CDH18: variants seen among roughly 807,000 people sequenced by gnomAD.
The protein encoded by CDH18 is cadherin-18.
CDH18 carries 31 observed loss-of-function variants against 67.9 expected under a neutral mutation model. That is an observed-to-expected ratio of 0.46 (90% CI 0.34 to 0.62). The LOEUF (loss-of-function observed/expected upper bound fraction) is 0.62, where lower values mean the gene tolerates loss of function less well. Among genes scored for constraint, CDH18 ranks in the 20% least tolerant of loss-of-function variants. The pLI is 0.01. For synonymous variants in CDH18, 362 were observed against 347.2 expected (o/e 1.04, Z -0.48); for missense variants, 890 against 975.5 (o/e 0.91, Z 1.17).
At chr5:19,559,770 A>G (rs1019939736) in intron 8 of CDH18, among the ~76,000 whole-genome samples, 1 of 152,036 alleles carries the variant, frequency 6.6e-6, no homozygotes, top group Non-Finnish European at 1.5e-5. Context: ...CTAAAGACTC[A>G]TGCAAAAAGC....
At position 19,924,017 on chromosome 5, in the gene CDH18, G is replaced by A. The variant is rs573133764; in HGVS notation, c.-257+57043C>T. Among the ~76,000 whole-genome samples, 652 of 152,232 alleles carry A rather than the reference G, an allele frequency of 4.3e-3. 3 individuals are homozygous for A. The highest frequency in any genetic ancestry group is 6.5e-3 in the Non-Finnish European group (440 of 68,014). The stretch of plus-strand genomic sequence containing the variant: ...TGTGTTTCAGTGAAACTATGAGACC[G>A]GTACTTTCTTGGAAGCATTGTCATA... On this transcript the variant is annotated intron_variant, in intron 2 of 12. Coordinates refer to ENST00000382275, the MANE Select transcript of CDH18 (RefSeq NM_004934.5).
At chr5:20,146,969 G>A (rs1750697415) in intron 2 of CDH18, among the ~76,000 whole-genome samples, 1 of 152,012 alleles carries the variant, frequency 6.6e-6, no homozygotes, top group South Asian at 2.1e-4. Context: ...AAAAACAATT[G>A]TTTATTTTAC....
chr5:19,508,089 C>G (rs924393926), intron 10 of CDH18, among the ~76,000 whole-genome samples: 5 of 150,102 alleles, frequency 3.3e-5, no homozygotes, highest in African/African-American at 1.2e-4. Flanking sequence ...ACGAGAATGT[C>G]AGTCTGACTT....
chr5:20,195,322 T>C (rs574291347), intron 2 of CDH18, among the ~76,000 whole-genome samples: 1 of 152,182 alleles, frequency 6.6e-6, no homozygotes, highest in Admixed American at 6.5e-5. Flanking sequence ...ATTATCCATA[T>C]TTATTTGCAT....
intron 7 of CDH18, among the ~76,000 whole-genome samples, chr5:19,576,411 C>A (rs1451173406): frequency 6.6e-6 from 1 of 151,748 alleles, no homozygotes; most frequent in Non-Finnish European, 1.5e-5. Flanking sequence ...ATACAAATCA[C>A]TCTATTCAAA....
intron 3 of CDH18, among the ~76,000 whole-genome samples, chr5:19,787,636 A>G (rs867868875): frequency 6.6e-6 from 1 of 152,058 alleles, no homozygotes; most frequent in Non-Finnish European, 1.5e-5. Context: ...AGAAAAGATA[A>G]AAGTTAATCA....
At chr5:20,077,745 T>C (rs1302912775) in intron 2 of CDH18, among the ~76,000 whole-genome samples, 1 of 152,222 alleles carries the variant, frequency 6.6e-6, no homozygotes, top group Non-Finnish European at 1.5e-5. Context: ...TATGTATTTT[T>C]ACATTTGTTT....
At chr5:20,372,833 T>C (rs58318722) in intron 1 of CDH18, among the ~76,000 whole-genome samples, 1 of 151,152 alleles carries the variant, frequency 6.6e-6, no homozygotes, top group African/African-American at 2.5e-5. Context: ...AGTTTGGATA[T>C]TTTTTATTTT....
At chr5:20,206,016 A>T (rs1739855247) in intron 2 of CDH18, among the ~76,000 whole-genome samples, 1 of 151,912 alleles carries the variant, frequency 6.6e-6, no homozygotes, top group Non-Finnish European at 1.5e-5. Flanking sequence ...GATAAATAAC[A>T]TTGAGATTAA....
chr5:19,645,435 C>G (rs558279137), intron 5 of CDH18, among the ~76,000 whole-genome samples: 1 of 151,996 alleles, frequency 6.6e-6, no homozygotes, highest in Non-Finnish European at 1.5e-5. Flanking sequence ...GGTAAAGTAA[C>G]GGGAGAGCAG....
chr5:20,211,889 G>A (rs879831189), intron 2 of CDH18, among the ~76,000 whole-genome samples: 4 of 152,060 alleles, frequency 2.6e-5, no homozygotes, highest in Non-Finnish European at 4.4e-5. Flanking sequence ...AAAGGAACCA[G>A]CTTCTTACCA....
chr5:19,756,299 A>G (rs1221285690), intron 3 of CDH18, among the ~76,000 whole-genome samples: 2 of 152,222 alleles, frequency 1.3e-5, no homozygotes, highest in Non-Finnish European at 2.9e-5. Flanking sequence ...TTTTTAGCAA[A>G]AGAAGGAGGA....
chr5:20,360,164 A>T (rs28739449), intron 1 of CDH18, among the ~76,000 whole-genome samples: 30,277 of 143,760 alleles, frequency 0.21, 3,311 homozygotes, highest in East Asian at 0.33. Flanking sequence ...TATTATTGTA[A>T]CTATAATAAA....
At chr5:19,823,149 C>T (rs1189855934) in intron 3 of CDH18, among the ~76,000 whole-genome samples, 1 of 152,118 alleles carries the variant, frequency 6.6e-6, no homozygotes, top group African/African-American at 2.4e-5. Flanking sequence ...GTTCTTTTTT[C>T]AAGGTGCCCA....
intron 11 of CDH18, among the ~76,000 whole-genome samples, chr5:19,491,800 C>CA (rs112118148): frequency 0.11 from 16,080 of 149,014 alleles, 1,094 homozygotes; most frequent in Non-Finnish European, 0.14. Context: ...ATGAATGCTG[C>CA]AAAAAAAAAC....
intron 1 of CDH18, among the ~76,000 whole-genome samples, chr5:20,455,561 A>T (rs1472171111): frequency 6.6e-6 from 1 of 152,164 alleles, no homozygotes; most frequent in Non-Finnish European, 1.5e-5. Context: ...TAGTGTCATC[A>T]CTTGAGACTG....
intron 3 of CDH18, among the ~76,000 whole-genome samples, chr5:19,788,121 T>G (rs1239175124): frequency 6.6e-6 from 1 of 152,070 alleles, no homozygotes; most frequent in Non-Finnish European, 1.5e-5. Context: ...AGGGTGTGAA[T>G]AAGCAGCTGA....
rs545483879 is a variant in CDH18, at chr5:20,527,456, A to T, written c.-580+48006T>A. On this transcript the variant is annotated intron_variant, in intron 1 of 14. Coordinates refer to the CDH18 transcript ENST00000507958. Reference sequence around the variant, plus strand: ...AAGATCAACCCCAAGACATATAATCATCAGATTCTCCAAGGTCAAAATGAA... The same window carrying T: ...AAGATCAACCCCAAGACATATAATCTTCAGATTCTCCAAGGTCAAAATGAA... Among the ~76,000 whole-genome samples, 4 of 152,144 alleles carry T rather than the reference A, an allele frequency of 2.6e-5. No individual in the cohort carries two copies. In the East Asian group the frequency reaches 5.8e-4, roughly 22 times the overall value.
At chr5:19,566,626 A>G (rs1475181640) in intron 8 of CDH18, among the ~76,000 whole-genome samples, 1 of 152,092 alleles carries the variant, frequency 6.6e-6, no homozygotes, top group Non-Finnish European at 1.5e-5. Flanking sequence ...CGAGAACACT[A>G]TGGAGGAAAC....
Sources: gnomAD v4.1 joint callset for allele counts (sites outside exome capture counted in the v4.1 genomes callset) on GRCh38, gnomAD v4.1.1 for gene constraint, MANE v1.5 for transcripts, NCBI Gene and HGNC (gene_info 2026-07-23, HGNC 2026-07-21) for gene names.